Variants in LPCAT2 observed in about 807,000 individuals in gnomAD.
The protein encoded by LPCAT2 is 1-AGP acyltransferase 11.
Under a neutral mutation model 64.7 loss-of-function variants are expected in LPCAT2, and 58 were observed. The ratio of observed to expected loss-of-function variants is 0.90; its 90% confidence interval spans 0.73 to 1.12. The LOEUF is 1.12. LPCAT2 is among the 50% of genes most tolerant of loss of function. The probability of loss-of-function intolerance (pLI) is 0.00; values close to 1 mark genes in which losing one functional copy is unlikely to be tolerated. For synonymous variants in LPCAT2, 252 were observed against 245.3 expected, an observed-to-expected ratio of 1.03 and a Z score of -0.26; for missense variants, 579 against 669.8, an observed-to-expected ratio of 0.86 and a Z score of 1.50.
rs778717803 is a variant in LPCAT2 at position 55,545,804 on chromosome 16, A to G, written c.922A>G (p.Asn308Asp). The G allele has an allele frequency of 1.9e-6, 3 of 1,610,566 alleles. No individual in the cohort carries two copies. Among genetic ancestry groups the G allele is most frequent in the Non-Finnish European group, 2.5e-6 (3 of 1,177,336 alleles). ...TGTCCTTTTTGCCAATAAAGTCCGGAATTTAATGGCAGAGTAAGTGTCTAT... is the reference window on the plus strand; with the variant it reads ...TGTCCTTTTTGCCAATAAAGTCCGGGATTTAATGGCAGAGTAAGTGTCTAT... ...DPVLFANKVRNLMAEALGIPV... is the reference protein window; with the variant it reads ...DPVLFANKVRDLMAEALGIPV... Residue 308 changes from asparagine to aspartate, a missense_variant, in exon 9 of 14, where the codon AAT becomes GAT. By Grantham distance (23) the Asn-to-Asp change is conservative. Coordinates refer to ENST00000262134, the MANE Select transcript of LPCAT2 (RefSeq NM_017839.5).
chr16:55,578,784 T>C (rs1963857074), intron 12 of LPCAT2, among the ~76,000 whole-genome samples: 1 of 152,204 alleles, frequency 6.6e-6, no homozygotes, highest in African/African-American at 2.4e-5. Flanking sequence ...CTGGGAACTT[T>C]TCTTCATGTT....
At position 55,527,353 on chromosome 16, in the gene LPCAT2, G is replaced by A. The variant is rs563199764; in HGVS notation, c.312-1024G>A. ...ACAAAAATTAGGCCTGGTGGTGGGC[G>A]CCTGTAATCCCAGCTACTCGAGAGA... is the stretch of plus-strand genomic sequence containing the variant. On this transcript the variant is annotated intron_variant, in intron 2 of 13. Transcript: ENST00000262134. 4.0e-4 allele frequency among the ~76,000 whole-genome samples: 60 copies of A among 151,686 alleles called. 1 individual carries two copies. Among genetic ancestry groups the A allele is most frequent in the African/African-American group, 1.3e-3 (55 of 41,340 alleles).
chr16:55,515,410 T>C (rs189846845), intron 1 of LPCAT2, among the ~76,000 whole-genome samples: 8 of 152,112 alleles, frequency 5.3e-5, no homozygotes, highest in Non-Finnish European at 8.8e-5. Context: ...AAATGAAGTA[T>C]AAATGAGCAA....
chr16:55,554,887 G>A (rs1233512299), intron 11 of LPCAT2, among the ~76,000 whole-genome samples: 1 of 152,094 alleles, frequency 6.6e-6, no homozygotes, highest in East Asian at 1.9e-4. Context: ...TCAAGGAGAG[G>A]GAGCAAGACT....
rs1261338318 is a variant in LPCAT2, at chr16:55,584,613, G to A, written c.*1515G>A. On this transcript the variant is annotated 3_prime_UTR_variant, in exon 14 of 14. Coordinates refer to ENST00000262134, the MANE Select transcript of LPCAT2 (RefSeq NM_017839.5). The stretch of plus-strand genomic sequence containing the variant: ...TGAAATAAAACTCCTTGTTTTGGCC[G>A]TGTTTCTGAATGTATTGGTGATTCA... The A allele has an allele frequency of 2.6e-5, 4 of 152,058 alleles. No individual in the cohort carries two copies. Among genetic ancestry groups the A allele is most frequent in the African/African-American group, 4.8e-5 (2 of 41,420 alleles). 9.4% of individuals were successfully genotyped at this position (152,058 alleles called of 1,614,324 possible).
Position 55,509,113 on chromosome 16 carries a change from T to G in LPCAT2, c.-69T>G. 8.0e-7 allele frequency: 1 copy of G among 1,251,522 alleles called. No individual in the cohort carries two copies. The highest frequency in any genetic ancestry group is 1.0e-6 in the Non-Finnish European group (1 of 981,958). 77.5% of individuals were successfully genotyped at this position (1,251,522 alleles called of 1,614,324 possible). On this transcript the variant is annotated 5_prime_UTR_variant, in exon 1 of 14. Transcript: ENST00000262134. ...CGCCCTAGGCTGGGACTCTAGTAGG[T>G]CTTCGGCTCAGTTTTGGCTGCAGCG...
intron 8 of LPCAT2, chr16:55,541,840 G>GT (rs1963401041): frequency 7.8e-7 from 1 of 1,285,936 alleles, no homozygotes; most frequent in Admixed American, 2.3e-5. Flanking sequence ...TCATCTAGAT[G>GT]TTTCTGTTCT....
chr16:55,541,956 A>G lies in LPCAT2; in HGVS notation c.853-3779A>G, dbSNP rs1307886321. The stretch of plus-strand genomic sequence containing the variant: ...ATTACACAAAGAACTAGAACTGCAC[A>G]TTTGTTAAGATTGTCCTTTTAAAAT... On this transcript the variant is annotated intron_variant, in intron 8 of 13. Transcript: ENST00000262134. 1.4e-5 allele frequency: 17 copies of G among 1,235,248 alleles called. No individual in the cohort carries two copies. The African/African-American group carries it at 1.9e-4, about 14-fold the overall frequency. The allele number at this position is 1,235,248 out of a possible 1,614,324, so 76.5% of individuals were successfully genotyped here.
chr16:55,541,894 C>G, intron 8 of LPCAT2: 1 of 1,287,154 alleles, frequency 7.8e-7, no homozygotes, highest in Non-Finnish European at 1.0e-6. Flanking sequence ...TATCTTCCTT[C>G]TTTTGCATTT....
At chr16:55,529,462 T>A (rs1436796382) in intron 3 of LPCAT2, among the ~76,000 whole-genome samples, 2 of 152,196 alleles carry the variant, frequency 1.3e-5, no homozygotes, top group Non-Finnish European at 2.9e-5. Flanking sequence ...TTATGAGTAA[T>A]GGTTACTCCT....
At chr16:55,535,857 G>A (rs1460753025) in intron 7 of LPCAT2, among the ~76,000 whole-genome samples, 2 of 152,080 alleles carry the variant, frequency 1.3e-5, no homozygotes, top group Non-Finnish European at 2.9e-5. Context: ...TGATCAAATA[G>A]GAGAAAGCTT....
At chr16:55,540,792 C>A in intron 8 of LPCAT2, 1 of 202,864 alleles carries the variant, frequency 4.9e-6, no homozygotes, top group Non-Finnish European at 9.9e-6. Flanking sequence ...CAAGAAATAC[C>A]AAACCCTATA....
At chr16:55,529,447 C>A (rs923758992) in intron 3 of LPCAT2, among the ~76,000 whole-genome samples, 5 of 152,168 alleles carry the variant, frequency 3.3e-5, no homozygotes, top group Middle Eastern at 3.4e-3. Context: ...CTGAAAATTG[C>A]AGTATTATGA....
intron 11 of LPCAT2, among the ~76,000 whole-genome samples, chr16:55,569,344 C>T (rs1963744523): frequency 6.6e-6 from 1 of 152,176 alleles, no homozygotes; most frequent in African/African-American, 2.4e-5. Flanking sequence ...GGTGTGGTTA[C>T]ATAAGAAGGA....
intron 11 of LPCAT2, among the ~76,000 whole-genome samples, chr16:55,573,056 T>A (rs534992127): frequency 2.8e-4 from 42 of 152,326 alleles, no homozygotes; most frequent in African/African-American, 8.7e-4. Flanking sequence ...TTTAGGGAAA[T>A]CTTGAAACCT....
chr16:55,579,265 C>T, intron 13 of LPCAT2, 21 bp downstream of exon 13: 1 of 1,608,210 alleles, frequency 6.2e-7, no homozygotes, highest in Non-Finnish European at 8.5e-7. Context: ...AATCTGGCCT[C>T]CTGACTTAGT....
rs531760603 is a variant in LPCAT2 at position 55,568,756 on chromosome 16, C to T, written c.1216-5875C>T. Among the ~76,000 whole-genome samples the T allele has an allele frequency of 4.6e-5, 7 of 152,256 alleles. No homozygotes were observed. The South Asian group carries it at 1.2e-3, about 27-fold the overall frequency. ...AGGCCATGCAGGAGAGTCAGTGTTG[C>T]CAGCATTCAGGAGAAGGAAGATAGA... On this transcript the variant is annotated intron_variant, in intron 11 of 13. Transcript: ENST00000262134.
rs1217374176 is a variant in LPCAT2, at chr16:55,579,156, C to T, written c.1362C>T (p.Ser454=). The change falls in exon 13 of 14, where the codon TCC becomes TCT. Residue 454 remains serine, a synonymous_variant. Transcript: ENST00000262134. ...EDGYITEEEF[S]TILQASLGVP... ...GCTACATAACGGAGGAAGAGTTCTC[C>T]ACCATTCTACAGGCTTCCCTTGGAG... 2 of 1,613,508 alleles carry T rather than the reference C, an allele frequency of 1.2e-6. No homozygotes were observed. Among genetic ancestry groups the T allele is most frequent in the East Asian group, 4.5e-5 (2 of 44,836 alleles).
chr16:55,586,171 T>G lies in LPCAT2; in HGVS notation c.*3073T>G, dbSNP rs1963943715. 1 of 152,184 alleles carries G rather than the reference T, an allele frequency of 6.6e-6. No homozygotes were observed. Among genetic ancestry groups the G allele is most frequent in the Non-Finnish European group, 1.5e-5 (1 of 67,998 alleles). 9.4% of individuals were successfully genotyped at this position (152,184 alleles called of 1,614,324 possible). ...TAGAAGTGAAGCTCTTCACATATAT[T>G]CAAAATACATATCACAAACTTTGGT... is the stretch of plus-strand genomic sequence containing the variant. On this transcript the variant is annotated 3_prime_UTR_variant, in exon 14 of 14. Transcript: ENST00000262134.
Sources: gnomAD v4.1 joint callset for allele counts (sites outside exome capture counted in the v4.1 genomes callset) on GRCh38, gnomAD v4.1.1 for gene constraint, MANE v1.5 for transcripts, NCBI Gene and HGNC (gene_info 2026-07-23, HGNC 2026-07-21) for gene names.